LPCAT2: variants seen among roughly 807,000 people sequenced by gnomAD.
The protein encoded by LPCAT2 is lysophosphatidylcholine acyltransferase 2.
A neutral mutation model predicts 64.7 loss-of-function variants in LPCAT2; 58 were observed. That is an observed-to-expected ratio of 0.90 (90% CI 0.73 to 1.12). The LOEUF is 1.12. LPCAT2 is among the 50% of genes most tolerant of loss of function. The probability of loss-of-function intolerance (pLI) is 0.00; values close to 1 mark genes in which losing one functional copy is unlikely to be tolerated. For synonymous variants in LPCAT2, 252 were observed against 245.3 expected (o/e 1.03, Z -0.26); for missense variants, 579 against 669.8 (o/e 0.86, Z 1.50).
intron 12 of LPCAT2, among the ~76,000 whole-genome samples, chr16:55,574,994 A>C (rs1483917182): frequency 2.0e-5 from 3 of 152,148 alleles, no homozygotes; most frequent in African/African-American, 7.2e-5. Flanking sequence ...TTAAAAAATT[A>C]TTTCTTTTCA....
chr16:55,567,102 A>T (rs1234248196), intron 11 of LPCAT2: 4 of 1,613,828 alleles, frequency 2.5e-6, no homozygotes, highest in Non-Finnish European at 2.5e-6. Context: ...AGATCTTAAG[A>T]CTGACGGTTT....
intron 11 of LPCAT2, among the ~76,000 whole-genome samples, chr16:55,558,032 G>A (rs1295295345): frequency 6.6e-6 from 1 of 152,146 alleles, no homozygotes; most frequent in Non-Finnish European, 1.5e-5. Flanking sequence ...GACCCTTTCC[G>A]TCTTTGGGTT....
chr16:55,509,991 C>CTTTTTT lies in LPCAT2; in HGVS notation c.171+651_171+656dup, dbSNP rs57496150. ...TACGGGAGAGTAGATTTGAAGAAGT[C>CTTTTTT]TTTTTTTTTTTTTTTTTGCCTTAGG... On this transcript the variant is annotated intron_variant, in intron 1 of 13. Transcript: ENST00000262134. Among the ~76,000 whole-genome samples the CTTTTTT allele has an allele frequency of 8.7e-3, 891 of 102,486 alleles. 46 individuals carry two copies. The highest frequency in any genetic ancestry group is 0.019 in the African/African-American group (523 of 27,180). 67.2% of individuals were successfully genotyped at this position (102,486 alleles called of 152,430 possible). A position where few individuals can be genotyped will look rare whatever the true frequency, so the allele number is the denominator to read the frequency against.
chr16:55,570,091 T>G (rs2142416623), intron 11 of LPCAT2, among the ~76,000 whole-genome samples: 1 of 152,326 alleles, frequency 6.6e-6, no homozygotes, highest in East Asian at 1.9e-4. Context: ...ACATCTACAT[T>G]TTTAAATTTC....
intron 11 of LPCAT2, among the ~76,000 whole-genome samples, chr16:55,558,749 A>G (rs1963603791): frequency 6.6e-6 from 1 of 152,330 alleles, no homozygotes; most frequent in East Asian, 1.9e-4. Flanking sequence ...GATGAATAGC[A>G]TGACTATGTC....
chr16:55,565,216 T>C (rs1195148370), intron 11 of LPCAT2, among the ~76,000 whole-genome samples: 1 of 152,004 alleles, frequency 6.6e-6, no homozygotes, highest in Non-Finnish European at 1.5e-5. Flanking sequence ...AACAAGTGTT[T>C]GCAAGCATAT....
chr16:55,552,843 CAGGATGGTAGTTGCTGA>C (rs112024622), intron 11 of LPCAT2, among the ~76,000 whole-genome samples: 13,232 of 152,178 alleles, frequency 0.087, 803 homozygotes, highest in African/African-American at 0.17. Context: ...GCTGACTCAT[CAGGATGGTAGTTGCTGA>C]AGGCTGGGCT....
chr16:55,524,854 T>G (rs1237261616), intron 1 of LPCAT2, among the ~76,000 whole-genome samples: 3 of 152,104 alleles, frequency 2.0e-5, no homozygotes, highest in African/African-American at 7.2e-5. Context: ...CTTTCTGGTA[T>G]GTAAAACTTG....
At chr16:55,543,435 GTTGT>G (rs775089447) in intron 8 of LPCAT2, among the ~76,000 whole-genome samples, 3 of 152,162 alleles carry the variant, frequency 2.0e-5, no homozygotes, top group East Asian at 3.9e-4. Flanking sequence ...ATTACAAATG[GTTGT>G]TTGACTTTTT....
At chr16:55,512,694 G>A (rs1184419498) in intron 1 of LPCAT2, among the ~76,000 whole-genome samples, 1 of 152,200 alleles carries the variant, frequency 6.6e-6, no homozygotes, top group Non-Finnish European at 1.5e-5. Flanking sequence ...CTGGAGGAAA[G>A]TAACAGCTGG....
At chr16:55,537,730 C>A in intron 8 of LPCAT2, 98 bp downstream of exon 8, 1 of 963,840 alleles carries the variant, frequency 1.0e-6, no homozygotes, top group Non-Finnish European at 1.6e-6. Context: ...GGTCCATCAC[C>A]AGGTGTTTTA....
At chr16:55,551,777 A>G (rs1963521194) in intron 11 of LPCAT2, among the ~76,000 whole-genome samples, 1 of 152,132 alleles carries the variant, frequency 6.6e-6, no homozygotes, top group Admixed American at 6.5e-5. Context: ...GTTTTAATAT[A>G]TAAAATTGAT....
chr16:55,521,009 C>T (rs1963088243), intron 1 of LPCAT2, among the ~76,000 whole-genome samples: 1 of 151,628 alleles, frequency 6.6e-6, no homozygotes, highest in Non-Finnish European at 1.5e-5. Flanking sequence ...GAGCAATAAT[C>T]AGTGAAATAG....
intron 12 of LPCAT2, among the ~76,000 whole-genome samples, chr16:55,576,142 G>A (rs1963825136): frequency 6.6e-6 from 1 of 151,480 alleles, no homozygotes; most frequent in South Asian, 2.1e-4. Context: ...CCTTGGTTTG[G>A]GGAAGGGGAA....
intron 13 of LPCAT2, among the ~76,000 whole-genome samples, chr16:55,580,144 T>A (rs1221724027): frequency 6.6e-6 from 1 of 152,216 alleles, no homozygotes; most frequent in Non-Finnish European, 1.5e-5. Context: ...GAGTTTCAGC[T>A]TGTTAACTTT....
intron 9 of LPCAT2, among the ~76,000 whole-genome samples, chr16:55,549,015 A>C (rs1408528057): frequency 6.6e-6 from 1 of 152,190 alleles, no homozygotes; most frequent in Admixed American, 6.5e-5. Flanking sequence ...TATTATTATT[A>C]TTATAGTTAA....
At chr16:55,534,333 T>C in intron 6 of LPCAT2, 110 bp from the exon 7 acceptor site, 1 of 708,678 alleles carries the variant, frequency 1.4e-6, no homozygotes, top group Non-Finnish European at 2.5e-6. Context: ...TCTCAACATG[T>C]TGCTTTTAAT....
At chr16:55,555,733 C>G (rs1415014217) in intron 11 of LPCAT2, among the ~76,000 whole-genome samples, 1 of 152,146 alleles carries the variant, frequency 6.6e-6, no homozygotes, top group Non-Finnish European at 1.5e-5. Context: ...CTGTCATCAT[C>G]TATGAAATAC....
rs1277767033 is a variant in LPCAT2 at position 55,585,319 on chromosome 16, A to C, written c.*2221A>C. ...AAATGTCAGAAATGATTTTACTCTA[A>C]TGAAACTCAAATTTTGCCCAAAGTA... On this transcript the variant is annotated 3_prime_UTR_variant, in exon 14 of 14. Coordinates refer to ENST00000262134, the MANE Select transcript of LPCAT2 (RefSeq NM_017839.5). The C allele has an allele frequency of 6.6e-6, 1 of 152,168 alleles. No homozygotes were observed. The highest frequency in any genetic ancestry group is 2.4e-5 in the African/African-American group (1 of 41,444). The allele number at this position is 152,168 out of a possible 1,614,324, so 9.4% of individuals were successfully genotyped here. A position where few individuals can be genotyped will look rare whatever the true frequency, so the allele number is the denominator to read the frequency against.
Sources: allele counts gnomAD v4.1 joint callset (sites outside exome capture counted in the v4.1 genomes callset), GRCh38; gene constraint gnomAD v4.1.1; transcripts MANE v1.5; gene names NCBI Gene and HGNC (gene_info 2026-07-23, HGNC 2026-07-21).